MYT1: variants seen among roughly 807,000 people sequenced by gnomAD.
The protein encoded by MYT1 is myelin transcription factor I.
MYT1 carries 23 observed loss-of-function variants against 123.0 expected under a neutral mutation model. That is an observed-to-expected ratio of 0.19 (90% CI 0.13 to 0.26). MYT1 has a LOEUF of 0.26. Ranked by LOEUF, MYT1 falls within the 10% of genes least tolerant of loss-of-function variation. The probability of loss-of-function intolerance (pLI) is 1.00; values close to 1 mark genes in which losing one functional copy is unlikely to be tolerated. For synonymous variants in MYT1, 518 were observed against 575.3 expected (o/e 0.90, Z 1.43); for missense variants, 1,125 against 1,472.5 (o/e 0.76, Z 3.86).
chr20:64,205,501 G>T, intron 5 of MYT1, 52 bp from the exon 6 acceptor site: 1 of 1,596,312 alleles, frequency 6.3e-7, no homozygotes. Flanking sequence ...GGTGTCTGAG[G>T]CCTCTCGTGG....
At chr20:64,204,947 A>C in intron 4 of MYT1, 88 bp from the exon 5 acceptor site, 1 of 1,359,014 alleles carries the variant, frequency 7.4e-7, no homozygotes, top group South Asian at 1.2e-5. Flanking sequence ...GTCTGGAGAC[A>C]TTCTGCTCCC....
chr20:64,217,124 C>T lies in MYT1; in HGVS notation c.1689C>T (p.Asn563=), dbSNP rs763719177. The T allele has an allele frequency of 2.1e-5, 34 of 1,613,958 alleles. No homozygotes were observed. The highest frequency in any genetic ancestry group is 1.6e-4 in the Middle Eastern group (1 of 6,082). ...EVPPYGSYRP[N]VAPATPRANL... ...CTCCATATGGGAGCTACCGGCCCAA[C>T]GTGGCCCCCGCCACACCCAGGGCCA... The change falls in exon 11 of 23, where the codon AAC becomes AAT. Residue 563 remains asparagine (N), a synonymous_variant. Transcript: ENST00000328439.
Position 64,193,644 on chromosome 20 carries a change from C to T in MYT1, c.-1+3484C>T, listed in dbSNP as rs1983026248. Among the ~76,000 whole-genome samples, 1 of 151,962 alleles carries T rather than the reference C, an allele frequency of 6.6e-6. No homozygotes were observed. The highest frequency in any genetic ancestry group is 1.5e-5 in the Non-Finnish European group (1 of 67,982). On this transcript the variant is annotated intron_variant, in intron 2 of 22. Transcript: ENST00000328439. This position sits in a 1 kb window ranked among gnomAD's most constrained non-coding sequence, Gnocchi z 4.0. ...GGAGCCAGGCAGGGTAGGGGACAGC[C>T]AGTTTCTGGCCACCTCCTCACCCCC... is the stretch of plus-strand genomic sequence containing the variant.
At chr20:64,197,238 A>G (rs1346957131) in intron 2 of MYT1, among the ~76,000 whole-genome samples, 1 of 152,234 alleles carries the variant, frequency 6.6e-6, no homozygotes, top group Non-Finnish European at 1.5e-5. Context: ...TTAACAAATC[A>G]CATACATCAT....
At chr20:64,165,143 G>A (rs897180882) in intron 1 of MYT1, among the ~76,000 whole-genome samples, 5 of 152,048 alleles carry the variant, frequency 3.3e-5, no homozygotes, top group Admixed American at 1.3e-4. Flanking sequence ...AGCACTGGCC[G>A]CTTAAGCAGA....
intron 1 of MYT1, among the ~76,000 whole-genome samples, chr20:64,184,065 T>C (rs3003135): frequency 0.11 from 16,619 of 152,116 alleles, 1,534 homozygotes; most frequent in African/African-American, 0.24. Context: ...AGTGATCTGC[T>C]TGCCTCAGTC....
rs577714893 is a variant in MYT1, at chr20:64,186,718, G to T, written c.-98-3345G>T. ...GGAGCAGCATGACTTCTGGAAGGGC[G>T]TCTTTATGGAACACCTCCACGTTTC... On this transcript the variant is annotated intron_variant, in intron 1 of 22. Coordinates refer to ENST00000328439, the MANE Select transcript of MYT1 (RefSeq NM_004535.3). This position sits in a 1 kb window ranked among gnomAD's most constrained non-coding sequence, Gnocchi z 4.3. 2.0e-5 allele frequency among the ~76,000 whole-genome samples: 3 copies of T among 152,392 alleles called. No individual in the cohort carries two copies.
rs775580157 is a variant in MYT1 at position 64,212,130 on chromosome 20, G to T, written c.1509G>T (p.Thr503=). ...GTCACGTGAACAGCAACCGCAACAC[G>T]CACAGAAGGTACTTGGACTGAGCTG... ...GQGHVNSNRN[T]HRSLSGCPIA... is the part of the protein sequence containing the mutation. Residue 503 remains threonine (T), a synonymous_variant, in exon 9 of 23, where the codon ACG becomes ACT. Coordinates refer to ENST00000328439, the MANE Select transcript of MYT1 (RefSeq NM_004535.3). This position sits in a 1 kb window ranked among gnomAD's most constrained non-coding sequence, Gnocchi z 6.8. 1.9e-6 allele frequency: 3 copies of T among 1,609,590 alleles called. No homozygotes were observed. The highest frequency in any genetic ancestry group is 1.7e-6 in the Non-Finnish European group (2 of 1,177,726).
At chr20:64,194,123 G>A (rs1288017717) in intron 2 of MYT1, among the ~76,000 whole-genome samples, 1 of 152,182 alleles carries the variant, frequency 6.6e-6, no homozygotes, top group Non-Finnish European at 1.5e-5. Flanking sequence ...ATCCTTAAAT[G>A]ACATGCACTA....
At chr20:64,227,751 A>G (rs993885886) in intron 17 of MYT1, 137 bp from the exon 18 acceptor site, 4 of 814,506 alleles carry the variant, frequency 4.9e-6, no homozygotes, top group Non-Finnish European at 5.7e-6. Flanking sequence ...GCTTCTTACA[A>G]CTGACCCATC....
At chr20:64,183,176 C>T (rs932389072) in intron 1 of MYT1, among the ~76,000 whole-genome samples, 8 of 152,318 alleles carry the variant, frequency 5.3e-5, no homozygotes, top group African/African-American at 1.9e-4. Flanking sequence ...TCACTGAACA[C>T]GAAGTTTTTG....
At chr20:64,197,644 C>T (rs772725174) in intron 2 of MYT1, among the ~76,000 whole-genome samples, 2 of 152,190 alleles carry the variant, frequency 1.3e-5, no homozygotes, top group African/African-American at 4.8e-5. Context: ...TGTGGCTCCC[C>T]GGGAAGGATG....
At position 64,218,757 on chromosome 20, in the gene MYT1, T is replaced by G; in HGVS notation, c.1847-154T>G. The G allele has an allele frequency of 1.7e-6, 1 of 592,856 alleles. No individual in the cohort carries two copies. The highest frequency in any genetic ancestry group is 3.0e-6 in the Non-Finnish European group (1 of 338,032). The allele number at this position is 592,856 out of a possible 1,614,324, so 36.7% of individuals were successfully genotyped here. A position where few individuals can be genotyped will look rare whatever the true frequency, so the allele number is the denominator to read the frequency against. On this transcript the variant is annotated intron_variant, in intron 11 of 22. Transcript: ENST00000328439. This position sits in a 1 kb window ranked among gnomAD's most constrained non-coding sequence, Gnocchi z 4.0. ...CTCCCATCCCTCCCAAAGTGCCCCC[T>G]CCCCACTGACTTGTCTGCATTGCTG...
intron 1 of MYT1, among the ~76,000 whole-genome samples, chr20:64,187,719 A>G (rs1190286818): frequency 6.6e-6 from 1 of 152,256 alleles, no homozygotes; most frequent in East Asian, 1.9e-4. Flanking sequence ...GGCATACCTT[A>G]CTGGGCTTCT....
At chr20:64,221,853 C>T (rs773643517) in intron 13 of MYT1, 40 bp from the exon 14 acceptor site, 35 of 1,605,132 alleles carry the variant, frequency 2.2e-5, no homozygotes, top group East Asian at 2.2e-5. Flanking sequence ...CAGGCCTCCC[C>T]GCCAGCCGGT....
chr20:64,178,863 C>A (rs1982553994), intron 1 of MYT1, among the ~76,000 whole-genome samples: 1 of 128,724 alleles, frequency 7.8e-6, no homozygotes, highest in Non-Finnish European at 1.6e-5. Flanking sequence ...CGGTGGGATA[C>A]CCTTCAACGT....
In MYT1 at chr20:64,208,042, G is replaced by GGAGGAA. The variant is rs763476933; in HGVS notation, c.858_863dup (p.Glu305_Glu306dup). 1.3e-6 allele frequency: 2 copies of GGAGGAA among 1,596,068 alleles called. No individual in the cohort carries two copies. Among genetic ancestry groups the GGAGGAA allele is most frequent in the Admixed American group, 1.7e-5 (1 of 59,394 alleles). ...ATGAAGAAGAGGAAGAGGAAGAGGA[G>GGAGGAA]GAGGAAGAGGAAGAGGAGGAGGAGG... On this transcript the variant is annotated inframe_insertion, in exon 7 of 23. Coordinates refer to ENST00000328439, the MANE Select transcript of MYT1 (RefSeq NM_004535.3). This position sits in a 1 kb window ranked among gnomAD's most constrained non-coding sequence, Gnocchi z 5.4.
intron 13 of MYT1, 63 bp from the exon 14 acceptor site, chr20:64,221,830 T>C: frequency 6.3e-7 from 1 of 1,578,456 alleles, no homozygotes; most frequent in South Asian, 1.1e-5. Context: ...CCTCGCCCAC[T>C]GGGTTGGGCG....
chr20:64,235,238 C>T (rs1213371076), intron 19 of MYT1, among the ~76,000 whole-genome samples: 1 of 74,532 alleles, frequency 1.3e-5, no homozygotes, highest in East Asian at 2.5e-4. Flanking sequence ...CGGGGCTGGC[C>T]GTGGTATGTG....
Sources: allele counts gnomAD v4.1 joint callset (sites outside exome capture counted in the v4.1 genomes callset), GRCh38; gene constraint gnomAD v4.1.1; non-coding constraint Gnocchi (gnomAD v3.1); transcripts MANE v1.5; gene names NCBI Gene and HGNC (gene_info 2026-07-23, HGNC 2026-07-21).